Variants in PTPN2 observed in about 807,000 individuals in gnomAD.
The protein encoded by PTPN2 is tyrosine-protein phosphatase non-receptor type 2.
A neutral mutation model predicts 57.3 loss-of-function variants in PTPN2; 19 were observed. That is an observed-to-expected ratio of 0.33 (90% CI 0.23 to 0.49). The LOEUF (loss-of-function observed/expected upper bound fraction) is 0.49. Among genes scored for constraint, PTPN2 ranks in the 20% least tolerant of loss-of-function variants. The pLI is 0.99. For synonymous variants in PTPN2, 153 were observed against 164.9 expected (o/e 0.93, Z 0.55); for missense variants, 358 against 501.1 (o/e 0.71, Z 2.73).
chr18:12,789,483 A>G (rs1207089742), downstream of PTPN2, among the ~76,000 whole-genome samples: 1 of 152,254 alleles, frequency 6.6e-6, no homozygotes, highest in East Asian at 1.9e-4. Context: ...TTAAAAGTAA[A>G]AGAGACTTCA....
At chr18:12,812,563 C>T (rs2041928274) in intron 7 of PTPN2, among the ~76,000 whole-genome samples, 1 of 152,028 alleles carries the variant, frequency 6.6e-6, no homozygotes. Context: ...TGTGCCATTG[C>T]ACTCCAGTCT....
intron 7 of PTPN2, among the ~76,000 whole-genome samples, chr18:12,807,586 A>AAAATAAATATAT: frequency 2.8e-5 from 1 of 35,194 alleles, no homozygotes. Flanking sequence ...AAAAAAAAAA[A>AAAATAAATATAT]ATATATATAT....
chr18:12,830,021 T>C (rs1188475776), intron 4 of PTPN2, among the ~76,000 whole-genome samples: 1 of 152,224 alleles, frequency 6.6e-6, no homozygotes, highest in Non-Finnish European at 1.5e-5. Flanking sequence ...ACAGTAATTA[T>C]ACTCCAAAAT....
chr18:12,827,783 C>T (rs980524776), intron 4 of PTPN2, among the ~76,000 whole-genome samples: 1 of 151,960 alleles, frequency 6.6e-6, no homozygotes. Flanking sequence ...GAAAATCCAA[C>T]ATACGTATAA....
In PTPN2 at chr18:12,793,579, A is replaced by G; in HGVS notation, c.*699T>C. The G allele has an allele frequency of 1.0e-6, 1 of 977,940 alleles. No individual in the cohort carries two copies. The highest frequency in any genetic ancestry group is 1.2e-6 in the Non-Finnish European group (1 of 822,624). 60.6% of individuals were successfully genotyped at this position (977,940 alleles called of 1,614,324 possible). Reference sequence around the variant, plus strand: ...TTCTTTTTAAAATGGGGAAAACTGTAAAACATAAAAGAAATGCAATATATA... The same window carrying G: ...TTCTTTTTAAAATGGGGAAAACTGTGAAACATAAAAGAAATGCAATATATA... On this transcript the variant is annotated 3_prime_UTR_variant, in exon 9 of 9. Coordinates refer to ENST00000309660, the MANE Select transcript of PTPN2 (RefSeq NM_002828.4).
intron 2 of PTPN2, among the ~76,000 whole-genome samples, chr18:12,855,657 A>C (rs1485082082): frequency 1.3e-5 from 2 of 152,138 alleles, no homozygotes; most frequent in East Asian, 3.9e-4. Flanking sequence ...ACACGGTGGC[A>C]GTGGGGCAGA....
intron 1 of PTPN2, among the ~76,000 whole-genome samples, chr18:12,877,805 A>ATC (rs2044540359): frequency 6.6e-6 from 1 of 151,988 alleles, no homozygotes; most frequent in Admixed American, 6.6e-5. Flanking sequence ...AAGTCAGGAG[A>ATC]TCAAGACCAT....
chr18:12,862,274 T>C (rs2043838255), intron 1 of PTPN2: 1 of 152,270 alleles, frequency 6.6e-6, no homozygotes, highest in Admixed American at 6.5e-5. Context: ...TTCTCCTGTC[T>C]CAGCCTCTTG....
intron 1 of PTPN2, chr18:12,862,490 T>A (rs935245156): frequency 6.6e-6 from 1 of 152,304 alleles, no homozygotes; most frequent in Non-Finnish European, 1.5e-5. Context: ...TAAAGGTAAC[T>A]GCTTTTGTTT....
chr18:12,843,341 A>G (rs1425186760), intron 2 of PTPN2, among the ~76,000 whole-genome samples: 3 of 152,194 alleles, frequency 2.0e-5, no homozygotes, highest in Admixed American at 2.0e-4. Context: ...AGAGGGTATT[A>G]AAGTACAAAA....
intron 4 of PTPN2, 60 bp downstream of exon 4, chr18:12,830,883 T>C: frequency 1.6e-6 from 2 of 1,288,754 alleles, no homozygotes; most frequent in South Asian, 1.4e-5. Flanking sequence ...AAAATGAAAA[T>C]CTTTATATGC....
chr18:12,876,970 C>T (rs1291402590), intron 1 of PTPN2, among the ~76,000 whole-genome samples: 1 of 152,148 alleles, frequency 6.6e-6, no homozygotes, highest in African/African-American at 2.4e-5. Context: ...TACAGGTAGT[C>T]ACATGGGTAA....
chr18:12,795,748 T>C (rs2041154414), intron 8 of PTPN2, among the ~76,000 whole-genome samples: 1 of 152,022 alleles, frequency 6.6e-6, no homozygotes, highest in Non-Finnish European at 1.5e-5. Context: ...TGCCTCTCTA[T>C]AAAAGCACAC....
chr18:12,840,051 G>T (rs558001125), intron 2 of PTPN2, among the ~76,000 whole-genome samples: 1 of 152,138 alleles, frequency 6.6e-6, no homozygotes, highest in Non-Finnish European at 1.5e-5. Context: ...TGTATTCATT[G>T]TAACTGGTTA....
At chr18:12,820,754 G>A (rs1037505108) in intron 5 of PTPN2, among the ~76,000 whole-genome samples, 5 of 152,246 alleles carry the variant, frequency 3.3e-5, no homozygotes, top group East Asian at 3.9e-4. Context: ...GTCTGCAGCC[G>A]TTCCACACAT....
At chr18:12,880,627 C>G (rs1260475516) in intron 1 of PTPN2, 1 of 152,292 alleles carries the variant, frequency 6.6e-6, no homozygotes, top group Non-Finnish European at 1.5e-5. Context: ...TGGCCCTGCT[C>G]ACCCTCAACT....
chr18:12,879,245 C>G (rs1454120019), intron 1 of PTPN2, among the ~76,000 whole-genome samples: 1 of 152,120 alleles, frequency 6.6e-6, no homozygotes, highest in East Asian at 1.9e-4. Context: ...CTCAAGTGAT[C>G]CTCCCACCTC....
rs1278131043 is a variant in PTPN2 at position 12,794,278 on chromosome 18, T to G, written c.1248A>C (p.Ter416TyrextTer36). The G allele has an allele frequency of 6.2e-7, 1 of 1,614,184 alleles. No homozygotes were observed. The highest frequency in any genetic ancestry group is 1.1e-5 in the South Asian group (1 of 91,076). Residue 416 changes from the stop codon to tyrosine, a stop_lost, in exon 9 of 9, where the codon TAA (stop) becomes TAC (tyrosine). Coordinates refer to ENST00000309660, the MANE Select transcript of PTPN2 (RefSeq NM_002828.4). ...WTLFFQQNAL[*>Y] ...AAGCTTGCTGGGCAAAATTAATTGT[T>G]TATAGGGCATTTTGCTGAAAAAACA... is the stretch of plus-strand genomic sequence containing the variant.
chr18:12,847,588 C>T (rs2043254484), intron 2 of PTPN2, among the ~76,000 whole-genome samples: 1 of 150,918 alleles, frequency 6.6e-6, no homozygotes, highest in East Asian at 1.9e-4. Flanking sequence ...TCATAAATAG[C>T]TTTGATTTGG....
Sources: gnomAD v4.1 joint callset for allele counts (sites outside exome capture counted in the v4.1 genomes callset) on GRCh38, gnomAD v4.1.1 for gene constraint, MANE v1.5 for transcripts, NCBI Gene and HGNC (gene_info 2026-07-23, HGNC 2026-07-21) for gene names.